ATP1B4: variants seen among roughly 807,000 people sequenced by gnomAD.
The protein encoded by ATP1B4 is protein ATP1B4.
In ATP1B4, 32 loss-of-function variants were observed where a neutral mutation model predicts 29.6. That is an observed-to-expected ratio of 1.08 (90% CI 0.82 to 1.45). The LOEUF is 1.45. ATP1B4 is among the 40% of genes most tolerant of loss of function. ATP1B4 has a pLI of 0.00. For missense variants in ATP1B4, 323 were observed against 276.2 expected, an observed-to-expected ratio of 1.17 and a Z score of -1.20; for synonymous variants, 127 against 102.1, an observed-to-expected ratio of 1.24 and a Z score of -1.47.
intron 4 of ATP1B4, 116 bp from the exon 5 acceptor site, chrX:120,375,256 C>T: frequency 1.6e-6 from 1 of 640,374 alleles, no homozygotes; most frequent in Non-Finnish European, 2.4e-6. Flanking sequence ...AGTGGGCTTT[C>T]AGAGGAGTAC....
chrX:120,374,611 AT>A (rs1200323417), intron 4 of ATP1B4, among the ~76,000 whole-genome samples: 2 of 48,982 alleles, frequency 4.1e-5, no homozygotes, highest in African/African-American at 2.2e-4. Flanking sequence ...TATATAATAT[AT>A]ATATACCCTT....
chrX:120,378,844 T>A, intron 7 of ATP1B4, 71 bp downstream of exon 7: 3 of 970,379 alleles, frequency 3.1e-6, no homozygotes, highest in Non-Finnish European at 4.4e-6. Flanking sequence ...GGCTGGGATC[T>A]ATGAGAATTA....
At chrX:120,365,862 CG>C (rs750628656) in intron 1 of ATP1B4, among the ~76,000 whole-genome samples, 1 of 111,760 alleles carries the variant, frequency 8.9e-6, no homozygotes, top group African/African-American at 3.3e-5. Context: ...TAAGGAAGCC[CG>C]GGGTTCCAGC....
At chrX:120,376,263 A>G in intron 5 of ATP1B4, 117 bp from the exon 6 acceptor site, 3 of 645,072 alleles carry the variant, frequency 4.7e-6, no homozygotes, top group Non-Finnish European at 7.1e-6. Flanking sequence ...AGAAGGCGAA[A>G]TAGATGAAGC....
At chrX:120,374,480 A>C (rs1239023131) in intron 4 of ATP1B4, among the ~76,000 whole-genome samples, 4 of 94,475 alleles carry the variant, frequency 4.2e-5, no homozygotes, top group Non-Finnish European at 6.2e-5. Context: ...ATATACCCTT[A>C]TATATACCAG....
chrX:120,375,720 A>G, intron 5 of ATP1B4, 152 bp downstream of exon 5: 1 of 435,019 alleles, frequency 2.3e-6, no homozygotes, highest in Non-Finnish European at 3.7e-6. Context: ...AGATAAACCT[A>G]TCAATTTCTT....
intron 2 of ATP1B4, among the ~76,000 whole-genome samples, chrX:120,368,520 A>G (rs1255566543): frequency 2.7e-5 from 3 of 112,016 alleles, no homozygotes; most frequent in Non-Finnish European, 5.6e-5. Context: ...GAATCATATG[A>G]GGTAGTAATA....
At chrX:120,371,021 G>T (rs1429243315) in intron 3 of ATP1B4, 85 bp from the exon 4 acceptor site, 2 of 1,021,633 alleles carry the variant, frequency 2.0e-6, no homozygotes, top group African/African-American at 1.9e-5. Flanking sequence ...TTGATTGCCT[G>T]GGGGGAAATG....
chrX:120,380,427 G>A lies in ATP1B4; in HGVS notation c.*793G>A, dbSNP rs1221053379. On this transcript the variant is annotated 3_prime_UTR_variant, in exon 8 of 8. Coordinates refer to ENST00000218008, the MANE Select transcript of ATP1B4 (RefSeq NM_001142447.3). ...CAGTGCTAACAGGATATTGTTCTGG[G>A]ATAGAGATGAAGACCGTCCTTGTGA... is the stretch of plus-strand genomic sequence containing the variant. The A allele has an allele frequency of 8.9e-6, 1 of 112,253 alleles. No homozygotes were observed. Among genetic ancestry groups the A allele is most frequent in the Non-Finnish European group, 1.9e-5 (1 of 53,252 alleles). The allele number at this position is 112,253 out of a possible 1,213,427, so 9.3% of individuals were successfully genotyped here.
intron 2 of ATP1B4, among the ~76,000 whole-genome samples, chrX:120,367,355 C>T (rs768367896): frequency 8.9e-6 from 1 of 112,238 alleles, no homozygotes; most frequent in Non-Finnish European, 1.9e-5. Flanking sequence ...AGCCAGGAGG[C>T]GTGTCCCTGG....
chrX:120,366,736 A>G lies in ATP1B4; in HGVS notation c.275A>G (p.Tyr92Cys). Residue 92 changes from tyrosine to cysteine, a missense_variant, in exon 2 of 8, where the codon TAC (tyrosine) becomes TGC (cysteine). Coordinates refer to ENST00000218008, the MANE Select transcript of ATP1B4 (RefSeq NM_001142447.3). ...CAGAAATTGCAGATCATGAGTGAAT[A>G]CCTGTGGGATCCAGAGAGAAGGATG... is the stretch of plus-strand genomic sequence containing the variant. ...WWQKLQIMSE[Y>C]LWDPERRMFL... 2 of 1,211,700 alleles carry G rather than the reference A, an allele frequency of 1.7e-6. No individual in the cohort carries two copies. The highest frequency in any genetic ancestry group is 4.3e-5 in the Admixed American group (2 of 46,070).
intron 1 of ATP1B4, among the ~76,000 whole-genome samples, chrX:120,366,316 GA>G (rs764542006): frequency 9.0e-5 from 10 of 111,582 alleles, no homozygotes; most frequent in African/African-American, 3.3e-4. Flanking sequence ...AAAGAATACT[GA>G]GTCAAAATGG....
chrX:120,363,452 A>G (rs1421554385), intron 1 of ATP1B4, among the ~76,000 whole-genome samples: 1 of 112,366 alleles, frequency 8.9e-6, no homozygotes, highest in Non-Finnish European at 1.9e-5. Flanking sequence ...TGGATTTTAA[A>G]TGCATCAGGG....
chrX:120,375,769 T>C (rs985688386), intron 5 of ATP1B4, among the ~76,000 whole-genome samples: 1 of 108,674 alleles, frequency 9.2e-6, no homozygotes, highest in Non-Finnish European at 1.9e-5. Context: ...GCCATTCTTC[T>C]CCCTCACCCC....
At chrX:120,364,092 G>A (rs937502182) in intron 1 of ATP1B4, among the ~76,000 whole-genome samples, 3 of 110,588 alleles carry the variant, frequency 2.7e-5, no homozygotes, top group Non-Finnish European at 5.7e-5. Flanking sequence ...TTCTTCTCAG[G>A]AGGGTAAAGC....
chrX:120,362,644 A>G (rs760434821), intron 1 of ATP1B4, among the ~76,000 whole-genome samples: 6 of 111,850 alleles, frequency 5.4e-5, no homozygotes, highest in Admixed American at 9.5e-5. Flanking sequence ...CTTGGGTGGT[A>G]GCTTCTTAGA....
At chrX:120,371,647 G>A (rs1367559155) in intron 4 of ATP1B4, among the ~76,000 whole-genome samples, 1 of 111,458 alleles carries the variant, frequency 9.0e-6, no homozygotes, top group African/African-American at 3.3e-5. Flanking sequence ...TTGGAGATGG[G>A]TTAACTTGAA....
intron 7 of ATP1B4, 87 bp downstream of exon 7, chrX:120,378,860 C>A: frequency 1.2e-6 from 1 of 857,200 alleles, no homozygotes; most frequent in South Asian, 2.1e-5. Flanking sequence ...AATTAGGGAG[C>A]AGGAGATAGT....
chrX:120,379,012 C>T (rs1289817755), intron 7 of ATP1B4, among the ~76,000 whole-genome samples: 2 of 111,266 alleles, frequency 1.8e-5, no homozygotes, highest in Non-Finnish European at 3.8e-5. Flanking sequence ...AATTGGGGTT[C>T]AGAGACAGAA....
Sources: gnomAD v4.1 joint callset for allele counts (sites outside exome capture counted in the v4.1 genomes callset) on GRCh38, gnomAD v4.1.1 for gene constraint, MANE v1.5 for transcripts, NCBI Gene and HGNC (gene_info 2026-07-23, HGNC 2026-07-21) for gene names.